EXOC4: variants seen among roughly 807,000 people sequenced by gnomAD.
EXOC4 encodes the protein exocyst complex component 4.
In EXOC4, 71 loss-of-function variants were observed where a neutral mutation model predicts 107.2. That is an observed-to-expected ratio of 0.66 (90% CI 0.55 to 0.81). The LOEUF is 0.81. Ranked by LOEUF, EXOC4 falls within the 30% of genes least tolerant of loss-of-function variation. The pLI is 0.00. For synonymous variants in EXOC4, 456 were observed against 441.2 expected (o/e 1.03, Z -0.42); for missense variants, 1,108 against 1,189.6 (o/e 0.93, Z 1.01).
At chr7:133,734,713 G>C (rs1795401367) in intron 10 of EXOC4, among the ~76,000 whole-genome samples, 1 of 151,890 alleles carries the variant, frequency 6.6e-6, no homozygotes, top group South Asian at 2.1e-4. Context: ...GAGTATTTTG[G>C]ATCTTGGATT....
chr7:133,340,880 C>T (rs185373380), intron 5 of EXOC4, among the ~76,000 whole-genome samples: 105 of 152,088 alleles, frequency 6.9e-4, no homozygotes, highest in African/African-American at 2.4e-3. Context: ...TCTCCCATTT[C>T]GTGTCTAATT....
At chr7:133,437,214 A>G (rs1241991221) in intron 7 of EXOC4, among the ~76,000 whole-genome samples, 1 of 152,152 alleles carries the variant, frequency 6.6e-6, no homozygotes, top group Non-Finnish European at 1.5e-5. Flanking sequence ...TCTCAAATTT[A>G]CTATATTTGT....
At chr7:133,445,581 C>A (rs1055520564) in intron 7 of EXOC4, among the ~76,000 whole-genome samples, 1 of 151,806 alleles carries the variant, frequency 6.6e-6, no homozygotes, top group African/African-American at 2.4e-5. Flanking sequence ...AAAAGCCCAG[C>A]AATTGTGCTT....
chr7:133,323,404 G>C (rs554911482), intron 5 of EXOC4, among the ~76,000 whole-genome samples: 2 of 152,098 alleles, frequency 1.3e-5, no homozygotes, highest in South Asian at 2.1e-4. Context: ...CTAGTTTATC[G>C]AGAGTTTTTA....
chr7:133,503,096 A>G (rs1799604562), intron 9 of EXOC4, among the ~76,000 whole-genome samples: 1 of 152,130 alleles, frequency 6.6e-6, no homozygotes, highest in African/African-American at 2.4e-5. Flanking sequence ...GTCTTAGGGA[A>G]ATTGTTGGCA....
chr7:133,877,814 C>T (rs1798882149), intron 11 of EXOC4, among the ~76,000 whole-genome samples: 1 of 152,162 alleles, frequency 6.6e-6, no homozygotes, highest in Non-Finnish European at 1.5e-5. Context: ...TGCGAAGCTC[C>T]CCACTCTTCA....
At chr7:133,663,008 AGGAGTGGTGTG>A (rs1230349101) in intron 10 of EXOC4, among the ~76,000 whole-genome samples, 1 of 152,182 alleles carries the variant, frequency 6.6e-6, no homozygotes, top group East Asian at 1.9e-4. Flanking sequence ...TGAAACAGAA[AGGAGTGGTGTG>A]GGACAAATGC....
intron 12 of EXOC4, among the ~76,000 whole-genome samples, chr7:133,904,876 T>C (rs759643296): frequency 6.6e-6 from 1 of 152,172 alleles, no homozygotes; most frequent in Non-Finnish European, 1.5e-5. Context: ...TTACTTCCTC[T>C]CTTCCCATTT....
At chr7:133,795,409 C>CT (rs1796793675) in intron 10 of EXOC4, among the ~76,000 whole-genome samples, 1 of 152,082 alleles carries the variant, frequency 6.6e-6, no homozygotes, top group South Asian at 2.1e-4. Flanking sequence ...GTTTCAGATC[C>CT]TTTTTAAGGC....
At chr7:133,705,226 G>T (rs940648227) in intron 10 of EXOC4, among the ~76,000 whole-genome samples, 2 of 152,014 alleles carry the variant, frequency 1.3e-5, no homozygotes, top group Non-Finnish European at 2.9e-5. Flanking sequence ...AATTAGCCAG[G>T]TGTGGTGGTG....
the EXOC4 span, among the ~76,000 whole-genome samples, chr7:134,079,014 G>A: frequency 6.6e-6 from 1 of 152,126 alleles, no homozygotes; most frequent in East Asian, 1.9e-4. Flanking sequence ...CTCCATCGAG[G>A]ACTGATCTAG....
intron 14 of EXOC4, among the ~76,000 whole-genome samples, chr7:133,960,215 T>TC (rs1254248008): frequency 2.2e-4 from 33 of 152,334 alleles, no homozygotes; most frequent in African/African-American, 7.7e-4. Context: ...TTGTCCATCA[T>TC]AAGAGAGTTT....
intron 17 of EXOC4, among the ~76,000 whole-genome samples, chr7:134,016,241 C>G (rs759454341): frequency 1.3e-5 from 2 of 151,970 alleles, no homozygotes; most frequent in African/African-American, 4.8e-5. Flanking sequence ...AGGGAAAGGC[C>G]GGGAGTGAAC....
chr7:133,297,095 G>A (rs1584788437), intron 3 of EXOC4, among the ~76,000 whole-genome samples: 1 of 152,154 alleles, frequency 6.6e-6, no homozygotes, highest in Non-Finnish European at 1.5e-5. Context: ...CACATCACAT[G>A]GTGATACTCA....
At chr7:133,695,375 GAC>G (rs1794511769) in intron 10 of EXOC4, among the ~76,000 whole-genome samples, 2 of 152,018 alleles carry the variant, frequency 1.3e-5, no homozygotes, top group African/African-American at 4.8e-5. Flanking sequence ...TTTATCTGTT[GAC>G]AGACTCTTAG....
At chr7:133,531,103 A>T (rs73150803) in intron 9 of EXOC4, among the ~76,000 whole-genome samples, 10,654 of 152,164 alleles carry the variant, frequency 0.07, 437 homozygotes, top group Middle Eastern at 0.11. Context: ...TAAGGAATCC[A>T]AACTGTAGGA....
intron 1 of EXOC4, among the ~76,000 whole-genome samples, chr7:133,255,920 T>C (rs889046556): frequency 1.3e-5 from 2 of 152,208 alleles, no homozygotes; most frequent in Non-Finnish European, 2.9e-5. Context: ...GCTTCTTGTA[T>C]TTCTGTTCAA....
chr7:133,980,027 T>G (rs1303290718), intron 14 of EXOC4, among the ~76,000 whole-genome samples: 1 of 152,164 alleles, frequency 6.6e-6, no homozygotes, highest in Non-Finnish European at 1.5e-5. Flanking sequence ...CATTCTCCCC[T>G]TTTTATGTAT....
At chr7:133,383,100 C>T (rs1162989716) in intron 7 of EXOC4, among the ~76,000 whole-genome samples, 1 of 152,072 alleles carries the variant, frequency 6.6e-6, no homozygotes, top group African/African-American at 2.4e-5. Flanking sequence ...AAAATGACAC[C>T]TACTTGGTGA....
Sources: gnomAD v4.1 joint callset for allele counts (sites outside exome capture counted in the v4.1 genomes callset) on GRCh38, gnomAD v4.1.1 for gene constraint, MANE v1.5 for transcripts, NCBI Gene and HGNC (gene_info 2026-07-23, HGNC 2026-07-21) for gene names.